The following THADA variants were observed in gnomAD, a reference collection of about 807,000 sequenced individuals.
THADA encodes the protein THADA armadillo repeat containing.
In THADA, 213 loss-of-function variants were observed where a neutral mutation model predicts 219.8. The ratio of observed to expected loss-of-function variants is 0.97; its 90% confidence interval spans 0.87 to 1.09. The LOEUF (loss-of-function observed/expected upper bound fraction) is 1.09, where lower values mean the gene tolerates loss of function less well. Ranked by LOEUF, THADA falls within the 50% of genes least tolerant of loss-of-function variation. The pLI is 0.00. For synonymous variants in THADA, 1,018 were observed against 828.9 expected (o/e 1.23, Z -3.92); for missense variants, 2,956 against 2,311.3 (o/e 1.28, Z -5.72).
At chr2:43,255,707 C>T (rs970837205) in intron 36 of THADA, among the ~76,000 whole-genome samples, 3 of 152,204 alleles carry the variant, frequency 2.0e-5, no homozygotes, top group African/African-American at 7.2e-5. Flanking sequence ...CCCACACACC[C>T]CGGGAAGCTC....
intron 26 of THADA, among the ~76,000 whole-genome samples, chr2:43,470,826 C>A (rs1040180747): frequency 1.3e-5 from 2 of 152,130 alleles, no homozygotes; most frequent in African/African-American, 4.8e-5. Context: ...TGGAAGACTC[C>A]GCAGTTTCAC....
rs769958628 is a variant in THADA at position 43,560,214 on chromosome 2, T to C, written c.2463+20A>G. On this transcript the variant is annotated intron_variant, in intron 16 of 37. Coordinates refer to ENST00000405975, the MANE Select transcript of THADA (RefSeq NM_022065.5). ...AGTTTCCATGCATATACCACATTTA[T>C]ACTAGAAAAGTCCTGATACCTGAAA... The C allele has an allele frequency of 1.2e-6, 2 of 1,602,634 alleles. No individual in the cohort carries two copies. The highest frequency in any genetic ancestry group is 1.7e-6 in the Non-Finnish European group (2 of 1,174,910).
chr2:43,332,004 T>C (rs984411354), intron 30 of THADA, among the ~76,000 whole-genome samples: 12 of 151,860 alleles, frequency 7.9e-5, no homozygotes, highest in Admixed American at 3.3e-4. Flanking sequence ...ACTTGGGCAA[T>C]GAGACCTTCA....
chr2:43,420,307 T>C (rs1362159431), intron 28 of THADA, among the ~76,000 whole-genome samples: 1 of 152,262 alleles, frequency 6.6e-6, no homozygotes, highest in Non-Finnish European at 1.5e-5. Flanking sequence ...GTATTTTACC[T>C]TATTAGCTAG....
intron 29 of THADA, among the ~76,000 whole-genome samples, chr2:43,350,092 CT>C (rs577856723): frequency 2.0e-5 from 3 of 152,122 alleles, no homozygotes; most frequent in Non-Finnish European, 2.9e-5. Context: ...GTCAGGCCCC[CT>C]TTTTTTCTCG....
intron 31 of THADA, among the ~76,000 whole-genome samples, chr2:43,311,971 G>C (rs924974337): frequency 6.6e-6 from 1 of 152,230 alleles, no homozygotes; most frequent in African/African-American, 2.4e-5. Context: ...GGCCGAGGCA[G>C]GAGGGCTGCT....
chr2:43,344,002 C>A (rs1320296869), intron 30 of THADA, 120 bp downstream of exon 30: 5 of 678,684 alleles, frequency 7.4e-6, no homozygotes, highest in East Asian at 5.6e-5. Flanking sequence ...GATAAATACT[C>A]CAATAAGTTT....
At chr2:43,570,361 T>G (rs1197022740) in intron 14 of THADA, 27 bp downstream of exon 14, 2 of 1,569,600 alleles carry the variant, frequency 1.3e-6, no homozygotes, top group East Asian at 4.5e-5. Flanking sequence ...AAAAAAAAAC[T>G]CTCATGTTTA....
At chr2:43,276,339 T>C (rs1271885119) in intron 36 of THADA, among the ~76,000 whole-genome samples, 2 of 152,152 alleles carry the variant, frequency 1.3e-5, no homozygotes, top group Admixed American at 6.5e-5. Flanking sequence ...GTGAGTTTCA[T>C]GCTTCCCTGT....
At chr2:43,578,418 AT>A in intron 9 of THADA, 94 bp downstream of exon 9, 1 of 854,676 alleles carries the variant, frequency 1.2e-6, no homozygotes, top group Non-Finnish European at 1.8e-6. Context: ...AAGTGTTGGG[AT>A]TATAAGTGTG....
rs893047462 is a variant in THADA at position 43,380,957 on chromosome 2, G to A, written c.4227+17014C>T. Among the ~76,000 whole-genome samples, 44 of 151,912 alleles carry A rather than the reference G, an allele frequency of 2.9e-4. 1 individual carries two copies. Among genetic ancestry groups the A allele is most frequent in the Admixed American group, 2.9e-3 (44 of 15,260 alleles). ...CTACGAAAAATACAAAATTAGCTGG[G>A]TATGGTGGCACATGCCTATAGTCCC... On this transcript the variant is annotated intron_variant, in intron 29 of 37. Coordinates refer to ENST00000405975, the MANE Select transcript of THADA (RefSeq NM_022065.5).
At chr2:43,470,159 G>C (rs188207306) in intron 26 of THADA, among the ~76,000 whole-genome samples, 95 of 145,806 alleles carry the variant, frequency 6.5e-4, no homozygotes, top group Middle Eastern at 3.7e-3. Flanking sequence ...AGTGGGCTGA[G>C]ATCGCCCCAC....
intron 31 of THADA, among the ~76,000 whole-genome samples, chr2:43,295,558 G>A (rs1439035591): frequency 1.3e-5 from 2 of 152,202 alleles, no homozygotes; most frequent in Non-Finnish European, 2.9e-5. Flanking sequence ...TACCCAAGAT[G>A]TTAACAAGTT....
chr2:43,424,312 A>G (rs1678127292), intron 28 of THADA, among the ~76,000 whole-genome samples: 2 of 152,142 alleles, frequency 1.3e-5, no homozygotes, highest in African/African-American at 4.8e-5. Flanking sequence ...TGTGCAATTC[A>G]CTTTTAGCAG....
intron 35 of THADA, among the ~76,000 whole-genome samples, chr2:43,283,697 A>C (rs1262248276): frequency 6.6e-6 from 1 of 152,254 alleles, no homozygotes; most frequent in Non-Finnish European, 1.5e-5. Flanking sequence ...TAAGCAGCAA[A>C]GCATTCAAGA....
intron 35 of THADA, 87 bp downstream of exon 35, chr2:43,286,821 C>A: frequency 6.7e-7 from 1 of 1,497,474 alleles, no homozygotes; most frequent in Non-Finnish European, 9.1e-7. Context: ...ATGTTGCCAT[C>A]TTTCACCTTC....
intron 30 of THADA, 35 bp from the exon 31 acceptor site, chr2:43,320,575 T>G: frequency 6.5e-7 from 1 of 1,533,368 alleles, no homozygotes; most frequent in Non-Finnish European, 9.0e-7. Context: ...AAATTGAGAT[T>G]TTCTCTCCCT....
chr2:43,329,118 C>G (rs17030698), intron 30 of THADA, among the ~76,000 whole-genome samples: 2,976 of 152,226 alleles, frequency 0.02, 107 homozygotes, highest in African/African-American at 0.068. Context: ...GTTTCCCTCC[C>G]TCTGTGACTT....
At chr2:43,289,988 T>G (rs1215600235) in intron 34 of THADA, among the ~76,000 whole-genome samples, 2 of 149,216 alleles carry the variant, frequency 1.3e-5, no homozygotes, top group African/African-American at 4.9e-5. Flanking sequence ...TTTTTTTTTT[T>G]TTTTTGAGAC....
Sources: allele counts gnomAD v4.1 joint callset (sites outside exome capture counted in the v4.1 genomes callset), GRCh38; gene constraint gnomAD v4.1.1; transcripts MANE v1.5; gene names NCBI Gene and HGNC (gene_info 2026-07-23, HGNC 2026-07-21).